Variants in SDK1 observed in about 807,000 individuals in gnomAD.
The protein encoded by SDK1 is sidekick cell adhesion molecule 1.
SDK1 carries 157 observed loss-of-function variants against 245.5 expected under a neutral mutation model. That is an observed-to-expected ratio of 0.64 (90% CI 0.56 to 0.73). The LOEUF (loss-of-function observed/expected upper bound fraction) is 0.73. Ranked by LOEUF, SDK1 falls within the 30% of genes least tolerant of loss-of-function variation. The pLI is 0.00. For synonymous variants in SDK1, 1,647 were observed against 1,278.5 expected, an observed-to-expected ratio of 1.29 and a Z score of -6.15; for missense variants, 3,583 against 3,002.3, an observed-to-expected ratio of 1.19 and a Z score of -4.52.
intron 44 of SDK1, among the ~76,000 whole-genome samples, chr7:4,247,804 G>A (rs1690069915): frequency 3.3e-5 from 5 of 152,166 alleles, no homozygotes; most frequent in Admixed American, 3.3e-4. Context: ...GTCAGAGGCT[G>A]AGGTTGTCCA....
chr7:4,234,161 G>A (rs1785994520), intron 41 of SDK1, among the ~76,000 whole-genome samples: 1 of 152,228 alleles, frequency 6.6e-6, no homozygotes, highest in Admixed American at 6.5e-5. Flanking sequence ...AGGGGCCGGG[G>A]ATAGTAGCTG....
At chr7:3,535,129 A>T (rs1778840601) in intron 1 of SDK1, among the ~76,000 whole-genome samples, 2 of 152,102 alleles carry the variant, frequency 1.3e-5, no homozygotes, top group African/African-American at 4.8e-5. Context: ...ACAAAAAATT[A>T]GCTGGGCATG....
intron 29 of SDK1, among the ~76,000 whole-genome samples, 160 bp downstream of exon 29, chr7:4,146,076 G>A (rs1447794946): frequency 6.6e-6 from 1 of 152,096 alleles, no homozygotes; most frequent in East Asian, 1.9e-4. Context: ...CACCTGACAT[G>A]GAGCTGGACA....
At chr7:3,581,664 G>A (rs1363254161) in intron 1 of SDK1, among the ~76,000 whole-genome samples, 2 of 152,180 alleles carry the variant, frequency 1.3e-5, no homozygotes, top group African/African-American at 4.8e-5. Context: ...CCAAAGGAAT[G>A]TAAATCGTTC....
At chr7:4,250,559 G>C (rs921579699) in intron 44 of SDK1, among the ~76,000 whole-genome samples, 2 of 152,100 alleles carry the variant, frequency 1.3e-5, no homozygotes, top group Admixed American at 6.5e-5. Context: ...TGGCCAGGCT[G>C]GTCTCGAACT....
At chr7:4,104,541 C>T (rs914535301) in intron 22 of SDK1, among the ~76,000 whole-genome samples, 2 of 152,172 alleles carry the variant, frequency 1.3e-5, no homozygotes, top group Admixed American at 6.5e-5. Context: ...TTATTTCTAA[C>T]TTTTTGATCT....
Position 3,676,155 on chromosome 7 carries a change from C to T in SDK1, c.713+34050C>T, listed in dbSNP as rs185576712. ...TAAATTTTGTATTTTTTTGTGGAGA[C>T]GGGGTCTCACTATGTTGCCACCTGG... is the stretch of plus-strand genomic sequence containing the variant. On this transcript the variant is annotated intron_variant, in intron 4 of 44. Coordinates refer to ENST00000404826, the MANE Select transcript of SDK1 (RefSeq NM_152744.4). Among the ~76,000 whole-genome samples, 1,314 of 151,764 alleles carry T rather than the reference C, an allele frequency of 8.7e-3. 28 individuals carry two copies. The highest frequency in any genetic ancestry group is 0.052 in the Admixed American group (790 of 15,216).
chr7:4,031,249 G>T (rs1787799831), intron 17 of SDK1, among the ~76,000 whole-genome samples: 1 of 152,120 alleles, frequency 6.6e-6, no homozygotes, highest in South Asian at 2.1e-4. Flanking sequence ...GATAAAATCG[G>T]CTTCTGTGTA....
chr7:3,587,993 A>C (rs941175038), intron 1 of SDK1, among the ~76,000 whole-genome samples: 2 of 152,242 alleles, frequency 1.3e-5, no homozygotes, highest in Non-Finnish European at 2.9e-5. Flanking sequence ...GCTCTTGAAA[A>C]GCTGCGGGTA....
intron 1 of SDK1, among the ~76,000 whole-genome samples, chr7:3,496,571 T>G (rs1324309268): frequency 6.6e-6 from 1 of 152,198 alleles, no homozygotes; most frequent in Admixed American, 6.5e-5. Context: ...AATGAGCTAT[T>G]TGAAACAGGT....
At chr7:3,376,668 C>CT (rs1484734103) in intron 1 of SDK1, among the ~76,000 whole-genome samples, 1 of 152,202 alleles carries the variant, frequency 6.6e-6, no homozygotes. Flanking sequence ...ACAGATTTGT[C>CT]TGACTTTTCT....
chr7:3,821,998 G>C (rs148830235), intron 5 of SDK1, among the ~76,000 whole-genome samples: 1 of 152,092 alleles, frequency 6.6e-6, no homozygotes, highest in African/African-American at 2.4e-5. Flanking sequence ...CTATTAAGTT[G>C]TACGAAAATT....
intron 1 of SDK1, among the ~76,000 whole-genome samples, chr7:3,550,250 AT>A (rs1779358175): frequency 6.6e-6 from 1 of 152,216 alleles, no homozygotes; most frequent in Non-Finnish European, 1.5e-5. Flanking sequence ...AAATTTAGGC[AT>A]TTGTCATTAA....
rs71029675 is a variant in SDK1 at position 3,495,252 on chromosome 7, C to CTTTTTT, written c.299-123810_299-123805dup. Among the ~76,000 whole-genome samples the CTTTTTT allele has an allele frequency of 2.9e-4, 29 of 99,762 alleles. 1 individual carries two copies. Among genetic ancestry groups the CTTTTTT allele is most frequent in the Middle Eastern group, 6.3e-3 (1 of 160 alleles). 65.4% of individuals were successfully genotyped at this position (99,762 alleles called of 152,430 possible). A position where few individuals can be genotyped will look rare whatever the true frequency, so the allele number is the denominator to read the frequency against. On this transcript the variant is annotated intron_variant, in intron 1 of 44. Transcript: ENST00000404826. ...TTCTGAGCTGGAAAGCATAATGGTT[C>CTTTTTT]TTTTTTTTTTTTTTTTTTTTTTTGA... is the stretch of plus-strand genomic sequence containing the variant.
At chr7:3,906,697 G>A (rs1006769207) in intron 5 of SDK1, among the ~76,000 whole-genome samples, 1 of 133,396 alleles carries the variant, frequency 7.5e-6, no homozygotes, top group Non-Finnish European at 1.5e-5. Context: ...GCAAGATCTC[G>A]GCTCACTGCA....
intron 4 of SDK1, among the ~76,000 whole-genome samples, chr7:3,797,525 G>C (rs757539290): frequency 1.3e-5 from 2 of 150,126 alleles, no homozygotes; most frequent in African/African-American, 4.9e-5. Context: ...TAAAAAATTA[G>C]ATCATATTTT....
chr7:4,083,728 TC>T (rs1562785145), intron 22 of SDK1, among the ~76,000 whole-genome samples: 4 of 16,946 alleles, frequency 2.4e-4, no homozygotes, highest in Non-Finnish European at 3.0e-4. Flanking sequence ...CTTCTTTACT[TC>T]CTCCATCCCT....
chr7:3,590,824 C>T (rs1780845752), intron 1 of SDK1, among the ~76,000 whole-genome samples: 1 of 150,796 alleles, frequency 6.6e-6, no homozygotes. Flanking sequence ...GCTCTGTCCC[C>T]CAGGCTGGAG....
At chr7:4,249,109 G>A (rs1393855962) in intron 44 of SDK1, among the ~76,000 whole-genome samples, 1 of 152,144 alleles carries the variant, frequency 6.6e-6, no homozygotes, top group Non-Finnish European at 1.5e-5. Context: ...GGGGAGGGAG[G>A]GAGGTGAGTG....
Sources: allele counts gnomAD v4.1 joint callset (sites outside exome capture counted in the v4.1 genomes callset), GRCh38; gene constraint gnomAD v4.1.1; transcripts MANE v1.5; gene names NCBI Gene and HGNC (gene_info 2026-07-23, HGNC 2026-07-21).